Variants in PEBP4 observed in about 807,000 individuals in gnomAD.
PEBP4 encodes phosphatidylethanolamine-binding protein 4.
In PEBP4, 22 loss-of-function variants were observed where a neutral mutation model predicts 23.9. The ratio of observed to expected loss-of-function variants is 0.92; its 90% CI spans 0.66 to 1.31. The LOEUF is 1.31. Ranked by LOEUF, PEBP4 falls within the 40% of genes most tolerant of loss-of-function variation. The probability of loss-of-function intolerance (pLI) is 0.00; values close to 1 mark genes in which losing one functional copy is unlikely to be tolerated. For missense variants in PEBP4, 324 were observed against 281.7 expected (o/e 1.15, Z -1.07); for synonymous variants, 112 against 99.3 (o/e 1.13, Z -0.76).
intron 4 of PEBP4, among the ~76,000 whole-genome samples, chr8:22,773,812 G>T (rs1805762915): frequency 6.6e-6 from 1 of 152,092 alleles, no homozygotes; most frequent in Non-Finnish European, 1.5e-5. Flanking sequence ...TTCCAACCGT[G>T]GGGGTCCTTG....
intron 4 of PEBP4, among the ~76,000 whole-genome samples, chr8:22,804,575 ACAG>A (rs1806456297): frequency 6.6e-6 from 1 of 152,142 alleles, no homozygotes; most frequent in Non-Finnish European, 1.5e-5. Flanking sequence ...ACCGTGTTGT[ACAG>A]CAGATCTCCA....
rs377319134 is a variant in PEBP4, at chr8:22,924,954, T to A, written c.131+2630A>T. ...TAATACCTTTAGGCATTGAGTCCAA[T>A]CTTTAAGAGTTCCCTGGTAGACCAA... On this transcript the variant is annotated intron_variant, in intron 2 of 6. Transcript: ENST00000256404. 10 of 985,368 alleles carry A rather than the reference T, an allele frequency of 1.0e-5. 1 individual carries two copies. The African/African-American group carries it at 1.7e-4, about 17-fold the overall frequency. 61.0% of individuals were successfully genotyped at this position (985,368 alleles called of 1,614,324 possible).
intron 6 of PEBP4, among the ~76,000 whole-genome samples, chr8:22,718,982 C>A (rs2128747902): frequency 6.6e-6 from 1 of 152,220 alleles, no homozygotes; most frequent in South Asian, 2.1e-4. Flanking sequence ...CCCCATGATT[C>A]CCCTTCTTTC....
At chr8:22,752,967 GC>G (rs1451808194) in intron 4 of PEBP4, among the ~76,000 whole-genome samples, 2 of 152,114 alleles carry the variant, frequency 1.3e-5, no homozygotes, top group Non-Finnish European at 2.9e-5. Context: ...ACGTATTCCT[GC>G]TATGTCTCCT....
At chr8:22,799,845 C>A (rs1806345419) in intron 4 of PEBP4, among the ~76,000 whole-genome samples, 1 of 152,148 alleles carries the variant, frequency 6.6e-6, no homozygotes, top group Non-Finnish European at 1.5e-5. Context: ...CCAGCCATCC[C>A]ATTACTGGGT....
chr8:22,724,427 G>A (rs1048203736), intron 6 of PEBP4, among the ~76,000 whole-genome samples: 5 of 152,226 alleles, frequency 3.3e-5, no homozygotes, highest in African/African-American at 1.2e-4. Context: ...CAACCCATGA[G>A]GATAGACTGG....
At chr8:22,869,392 G>A (rs575294697) in intron 3 of PEBP4, among the ~76,000 whole-genome samples, 8 of 152,224 alleles carry the variant, frequency 5.3e-5, no homozygotes, top group Non-Finnish European at 7.3e-5. Context: ...AAGACTTGGG[G>A]CTTTGTCTCG....
At chr8:22,922,717 C>A (rs1391486580) in intron 2 of PEBP4, among the ~76,000 whole-genome samples, 2 of 151,924 alleles carry the variant, frequency 1.3e-5, no homozygotes, top group African/African-American at 2.4e-5. Flanking sequence ...CAGAGCAAGA[C>A]CCTATCTCAA....
chr8:22,777,537 C>T (rs541814722), intron 4 of PEBP4, among the ~76,000 whole-genome samples: 23 of 152,260 alleles, frequency 1.5e-4, no homozygotes, highest in African/African-American at 5.5e-4. Context: ...ATTGACAGGA[C>T]CTCCTGGTGA....
chr8:22,718,676 CA>C (rs1197335036), intron 6 of PEBP4, among the ~76,000 whole-genome samples: 4 of 151,856 alleles, frequency 2.6e-5, no homozygotes, highest in Non-Finnish European at 5.9e-5. Context: ...ACACAGTGAT[CA>C]GGGGCTGGGC....
chr8:22,924,109 T>A (rs2457424), intron 2 of PEBP4, among the ~76,000 whole-genome samples: 42,908 of 152,044 alleles, frequency 0.28, 6,288 homozygotes, highest in East Asian at 0.46. Flanking sequence ...ATGCCTGTAA[T>A]ACCGGCACTT....
intron 3 of PEBP4, among the ~76,000 whole-genome samples, chr8:22,853,043 G>A (rs1215753939): frequency 6.6e-6 from 1 of 152,128 alleles, no homozygotes. Flanking sequence ...GGGACTGAGG[G>A]GTCACTCACC....
At chr8:22,784,699 T>C (rs1805994156) in intron 4 of PEBP4, among the ~76,000 whole-genome samples, 1 of 152,204 alleles carries the variant, frequency 6.6e-6, no homozygotes, top group Non-Finnish European at 1.5e-5. Flanking sequence ...GACAAGTTAT[T>C]AGCCCTTGCA....
At chr8:22,881,765 A>G (rs1219328350) in intron 3 of PEBP4, among the ~76,000 whole-genome samples, 1 of 152,212 alleles carries the variant, frequency 6.6e-6, no homozygotes, top group Non-Finnish European at 1.5e-5. Context: ...GCAGTAGCAT[A>G]CAGCAATTAG....
chr8:22,828,272 G>A (rs1456583054), intron 3 of PEBP4, among the ~76,000 whole-genome samples: 2 of 152,088 alleles, frequency 1.3e-5, no homozygotes, highest in African/African-American at 2.4e-5. Flanking sequence ...TCTGGTTTCC[G>A]GCCTCAATCC....
At chr8:22,801,440 G>A (rs1405687510) in intron 4 of PEBP4, among the ~76,000 whole-genome samples, 2 of 152,118 alleles carry the variant, frequency 1.3e-5, no homozygotes, top group Non-Finnish European at 2.9e-5. Flanking sequence ...CCTGCTTCCT[G>A]GCTGCCAGGC....
At chr8:22,842,190 C>G (rs1807343437) in intron 3 of PEBP4, among the ~76,000 whole-genome samples, 1 of 152,178 alleles carries the variant, frequency 6.6e-6, no homozygotes, top group South Asian at 2.1e-4. Flanking sequence ...TTCATTATCC[C>G]CAAGAGGTGA....
At chr8:22,716,389 C>A (rs894366041) in intron 6 of PEBP4, among the ~76,000 whole-genome samples, 8 of 152,178 alleles carry the variant, frequency 5.3e-5, no homozygotes, top group African/African-American at 1.9e-4. Context: ...AAGGGGAGAG[C>A]CTGATAACCT....
intron 6 of PEBP4, among the ~76,000 whole-genome samples, chr8:22,714,850 A>ATGT (rs1804381440): frequency 6.6e-6 from 1 of 152,200 alleles, no homozygotes; most frequent in Non-Finnish European, 1.5e-5. Context: ...CATTTCAAAG[A>ATGT]TGTTCTCAAG....
Sources: gnomAD v4.1 joint callset for allele counts (sites outside exome capture counted in the v4.1 genomes callset) on GRCh38, gnomAD v4.1.1 for gene constraint, MANE v1.5 for transcripts, NCBI Gene and HGNC (gene_info 2026-07-23, HGNC 2026-07-21) for gene names.